The following CPAMD8 variants were observed in gnomAD, a reference collection of about 807,000 sequenced individuals.
CPAMD8 encodes the protein C3 and PZP-like alpha-2-macroglobulin domain-containing protein 8.
In CPAMD8, 146 loss-of-function variants were observed where a neutral mutation model predicts 224.7. That is an observed-to-expected ratio of 0.65 (90% CI 0.57 to 0.75). The LOEUF (loss-of-function observed/expected upper bound fraction) is 0.75, where lower values mean the gene tolerates loss of function less well. Ranked by LOEUF, CPAMD8 falls within the 30% of genes least tolerant of loss-of-function variation. The probability of loss-of-function intolerance (pLI) is 0.00; values close to 1 mark genes in which losing one functional copy is unlikely to be tolerated. For synonymous variants in CPAMD8, 966 were observed against 1,044.6 expected, an observed-to-expected ratio of 0.92 and a Z score of 1.45; for missense variants, 2,301 against 2,537.5, an observed-to-expected ratio of 0.91 and a Z score of 2.00.
At chr19:16,984,368 C>T (rs2122809742) in intron 13 of CPAMD8, among the ~76,000 whole-genome samples, 1 of 148,362 alleles carries the variant, frequency 6.7e-6, no homozygotes, top group South Asian at 2.1e-4. Flanking sequence ...ATTTGGATCC[C>T]TACCTCACAC....
rs757227350 is a variant in CPAMD8, at chr19:17,011,624, G to C, written c.401C>G (p.Thr134Arg). 1 of 1,614,174 alleles carries C rather than the reference G, an allele frequency of 6.2e-7. No individual in the cohort carries two copies. The highest frequency in any genetic ancestry group is 8.5e-7 in the Non-Finnish European group (1 of 1,180,028). ...DGRGASVFIQ[T>R]DKPVYRPQHR... ...CTGGGGTCTGTACACAGGCTTGTCC[G>C]TCTGGATGAATACAGAAGCGCCCCG... The change falls in exon 4 of 42, where the codon ACG (threonine) becomes AGG (arginine). Residue 134 changes from threonine (T) to arginine (R), a missense_variant. By Grantham distance (71) the Thr-to-Arg change is moderately conservative. This residue lies in a region of CPAMD8 where 283 missense variants were observed against 340.6 expected (regional missense o/e 0.83). Coordinates refer to ENST00000443236, the MANE Select transcript of CPAMD8 (RefSeq NM_015692.5).
intron 25 of CPAMD8, 55 bp from the exon 26 acceptor site, chr19:16,925,427 C>T: frequency 1.4e-6 from 2 of 1,416,304 alleles, no homozygotes; most frequent in Admixed American, 1.7e-5. Context: ...CAGTAGAGAA[C>T]AGGGACAGCT....
chr19:16,909,004 C>G (rs759126150), intron 29 of CPAMD8, among the ~76,000 whole-genome samples: 1 of 152,150 alleles, frequency 6.6e-6, no homozygotes, highest in Admixed American at 6.6e-5. Context: ...CAGATCCTCC[C>G]GTTTACAGAC....
intron 3 of CPAMD8, among the ~76,000 whole-genome samples, chr19:17,018,861 T>C (rs2056880049): frequency 6.7e-6 from 1 of 149,104 alleles, no homozygotes; most frequent in African/African-American, 2.5e-5. Context: ...TGAGCTGAGA[T>C]TGTACCATTG....
chr19:16,894,323 G>A (rs1439250755), intron 41 of CPAMD8: 1 of 440,224 alleles, frequency 2.3e-6, no homozygotes, highest in African/African-American at 2.0e-5. Flanking sequence ...GTGTCACCTG[G>A]GCTGAGGTCT....
chr19:17,021,204 G>T (rs990417684), intron 2 of CPAMD8, among the ~76,000 whole-genome samples: 1 of 152,200 alleles, frequency 6.6e-6, no homozygotes, highest in Non-Finnish European at 1.5e-5. Context: ...AAGAGGTAGG[G>T]GGAGAAGCTG....
At chr19:16,976,602 C>A (rs1009872186) in intron 15 of CPAMD8, among the ~76,000 whole-genome samples, 1 of 152,040 alleles carries the variant, frequency 6.6e-6, no homozygotes, top group Non-Finnish European at 1.5e-5. Flanking sequence ...AGCTGGGAAC[C>A]TGGCCTCGCT....
At chr19:16,985,087 G>C (rs889196186) in intron 13 of CPAMD8, among the ~76,000 whole-genome samples, 1 of 152,152 alleles carries the variant, frequency 6.6e-6, no homozygotes, top group Non-Finnish European at 1.5e-5. Flanking sequence ...TTGAGGTCAG[G>C]TAAAATAATG....
At chr19:16,924,837 G>T (rs147419629) in intron 26 of CPAMD8, among the ~76,000 whole-genome samples, 1 of 152,000 alleles carries the variant, frequency 6.6e-6, no homozygotes, top group African/African-American at 2.4e-5. Flanking sequence ...CTCCTGCCTC[G>T]GCCTCCCAAA....
chr19:16,908,676 C>A (rs1482568638), intron 29 of CPAMD8, among the ~76,000 whole-genome samples: 1 of 152,250 alleles, frequency 6.6e-6, no homozygotes, highest in East Asian at 1.9e-4. Flanking sequence ...GCTTTCGGAA[C>A]TGTCCTGGTC....
intron 18 of CPAMD8, among the ~76,000 whole-genome samples, chr19:16,968,404 G>C (rs1471527400): frequency 1.3e-5 from 2 of 152,150 alleles, no homozygotes; most frequent in Admixed American, 6.6e-5. Flanking sequence ...TTTATATAGA[G>C]AGGGCTTGAA....
chr19:16,971,261 C>G, intron 17 of CPAMD8: 1 of 419,856 alleles, frequency 2.4e-6, no homozygotes, highest in South Asian at 3.6e-5. Context: ...AGTGCAGTGG[C>G]GCAATCTTGG....
At chr19:16,982,671 C>CA (rs1380174420) in intron 13 of CPAMD8, among the ~76,000 whole-genome samples, 8 of 151,880 alleles carry the variant, frequency 5.3e-5, no homozygotes, top group Non-Finnish European at 1.2e-4. Flanking sequence ...TCCATCTCCA[C>CA]AAAAAATAAT....
chr19:16,919,187 G>GGTGA (rs1242862251), intron 27 of CPAMD8, among the ~76,000 whole-genome samples: 6 of 148,560 alleles, frequency 4.0e-5, no homozygotes, highest in African/African-American at 1.2e-4. Context: ...TGGGTGATAG[G>GGTGA]GTGAGACCCC....
chr19:16,959,774 T>G (rs974326415), intron 18 of CPAMD8, among the ~76,000 whole-genome samples: 6 of 151,368 alleles, frequency 4.0e-5, no homozygotes, highest in Non-Finnish European at 8.8e-5. Context: ...CTCCTGACCT[T>G]GTGATCCACC....
In CPAMD8 at chr19:17,026,591, A is replaced by G; in HGVS notation, c.52T>C (p.Ser18Pro). ...PLLPLLLLLL[S>P]ARDGVRAAQP... ...GCGGCGCGCACGCCGTCCCGCGCCG[A>G]CAGCAGCAGGAGCAGGAGCGGGAGC... The change falls in exon 1 of 42, where the codon TCG (serine) becomes CCG (proline). Residue 18 changes from serine (S) to proline (P), a missense_variant. Coordinates refer to ENST00000443236, the MANE Select transcript of CPAMD8 (RefSeq NM_015692.5). The G allele has an allele frequency of 2.0e-6, 3 of 1,527,320 alleles. No homozygotes were observed. Among genetic ancestry groups the G allele is most frequent in the East Asian group, 5.3e-5 (2 of 37,738 alleles). The allele number at this position is 1,527,320 out of a possible 1,614,324, so 94.6% of individuals were successfully genotyped here.
Position 16,980,574 on chromosome 19 carries a change from T to C in CPAMD8, c.1508A>G (p.His503Arg), listed in dbSNP as rs1568558207. ...CCGCTTGCTTCGCTGCTGGGTGGTG[T>C]GGGCAGGCTGCTGGCCCGATAGCAC... The part of the protein sequence containing the change: ...NIVLSGQQPA[H>R]TTQQRSKRAA... The change falls in exon 14 of 42, where the codon CAC becomes CGC. Residue 503 changes from histidine to arginine, a missense_variant. Physicochemically the swap from His to Arg is conservative, Grantham distance 29. Around this residue, in one of 4 missense-constraint regions of CPAMD8, gnomAD observed 301 missense variants for 406.6 expected, o/e 0.74. Coordinates refer to ENST00000443236, the MANE Select transcript of CPAMD8 (RefSeq NM_015692.5). 1.2e-6 allele frequency: 2 copies of C among 1,613,880 alleles called. No homozygotes were observed. The highest frequency in any genetic ancestry group is 1.7e-6 in the Non-Finnish European group (2 of 1,179,902).
chr19:16,946,325 ATT>A (rs2054081546), intron 21 of CPAMD8, among the ~76,000 whole-genome samples: 1 of 129,176 alleles, frequency 7.7e-6, no homozygotes, highest in South Asian at 2.4e-4. Context: ...GCGTGTGTGG[ATT>A]TGTTTGTATA....
At chr19:16,972,697 G>T (rs1336131613) in intron 17 of CPAMD8, among the ~76,000 whole-genome samples, 2 of 152,218 alleles carry the variant, frequency 1.3e-5, no homozygotes, top group South Asian at 4.1e-4. Context: ...GCCTCCCAAA[G>T]TGCTGGGATT....
Sources: allele counts gnomAD v4.1 joint callset (sites outside exome capture counted in the v4.1 genomes callset), GRCh38; gene constraint gnomAD v4.1.1; regional missense constraint gnomAD v4.1.1; transcripts MANE v1.5; gene names NCBI Gene and HGNC (gene_info 2026-07-23, HGNC 2026-07-21).